WWOX: variants seen among roughly 807,000 people sequenced by gnomAD.
The protein encoded by WWOX is WW domain-containing oxidoreductase.
Under a neutral mutation model 46.2 loss-of-function variants are expected in WWOX, and 69 were observed. The ratio of observed to expected loss-of-function variants is 1.49; its 90% CI spans 1.23 to 1.82. The LOEUF is 1.82. WWOX is among the 40% of genes most tolerant of loss of function. The pLI is 0.00. For missense variants in WWOX, 919 were observed against 542.6 expected (o/e 1.69, Z -6.89); for synonymous variants, 359 against 202.6 (o/e 1.77, Z -6.56).
intron 8 of WWOX, among the ~76,000 whole-genome samples, chr16:79,143,035 A>G (rs559409289): frequency 6.6e-6 from 1 of 152,102 alleles, no homozygotes; most frequent in African/African-American, 2.4e-5. Context: ...CATTTTGGAG[A>G]TGACAGAAAA....
chr16:78,898,549 G>C (rs1567634904), intron 8 of WWOX: 1 of 151,978 alleles, frequency 6.6e-6, no homozygotes, highest in South Asian at 2.1e-4. Flanking sequence ...GTAATAATAA[G>C]GATTCAAACT....
intron 6 of WWOX, among the ~76,000 whole-genome samples, chr16:78,395,950 C>T (rs527772204): frequency 1.3e-5 from 2 of 152,230 alleles, no homozygotes; most frequent in South Asian, 4.1e-4. Flanking sequence ...ATAAAAGCAG[C>T]CTGCTCTGGA....
chr16:78,734,937 C>G (rs990683813), intron 8 of WWOX, among the ~76,000 whole-genome samples: 5 of 136,342 alleles, frequency 3.7e-5, no homozygotes, highest in Non-Finnish European at 7.7e-5. Flanking sequence ...GCAATCTCAG[C>G]TCACTACAAC....
chr16:78,666,999 T>C (rs1227868696), intron 8 of WWOX, among the ~76,000 whole-genome samples: 2 of 152,326 alleles, frequency 1.3e-5, no homozygotes, highest in East Asian at 1.9e-4. Flanking sequence ...GTCTTCCTTT[T>C]ATCTCTAACT....
chr16:78,299,919 A>G (rs942780966), intron 5 of WWOX, among the ~76,000 whole-genome samples: 1 of 152,152 alleles, frequency 6.6e-6, no homozygotes, highest in African/African-American at 2.4e-5. Flanking sequence ...ACTACTGTGT[A>G]TTGAGAGATG....
At position 78,616,189 on chromosome 16, in the gene WWOX, C is replaced by T. The variant is rs78328807; in HGVS notation, c.1056+183437C>T. Among the ~76,000 whole-genome samples, 507 of 151,896 alleles carry T rather than the reference C, an allele frequency of 3.3e-3. 5 individuals are homozygous for T. Among genetic ancestry groups the T allele is most frequent in the African/African-American group, 0.011 (467 of 41,370 alleles). On this transcript the variant is annotated intron_variant, in intron 8 of 8. Coordinates refer to ENST00000566780, the MANE Select transcript of WWOX (RefSeq NM_016373.4). Reference sequence around the variant, plus strand: ...TCCCTGCCATGTGTATGCATTCCCACGGCCACACAAGCACACACACACTTT... The same window carrying T: ...TCCCTGCCATGTGTATGCATTCCCATGGCCACACAAGCACACACACACTTT...
At chr16:78,410,685 A>T (rs2082658743) in intron 6 of WWOX, among the ~76,000 whole-genome samples, 2 of 151,446 alleles carry the variant, frequency 1.3e-5, no homozygotes, top group Admixed American at 1.3e-4. Context: ...ACATGCATGT[A>T]ATCCCAGTTA....
chr16:78,534,856 G>C (rs1445202732), intron 8 of WWOX, among the ~76,000 whole-genome samples: 1 of 151,996 alleles, frequency 6.6e-6, no homozygotes, highest in Non-Finnish European at 1.5e-5. Context: ...TGGGACTACA[G>C]GTGCGCGCTA....
At chr16:78,942,117 G>A (rs925310681) in intron 8 of WWOX, among the ~76,000 whole-genome samples, 3 of 152,150 alleles carry the variant, frequency 2.0e-5, no homozygotes, top group South Asian at 2.1e-4. Context: ...ATTCTAACAC[G>A]GAAGCGCCCT....
chr16:78,905,501 C>A (rs574195186), intron 8 of WWOX, among the ~76,000 whole-genome samples: 98 of 152,296 alleles, frequency 6.4e-4, no homozygotes, highest in African/African-American at 2.3e-3. Flanking sequence ...CCCACCTCAG[C>A]CTCCTGTGTA....
In WWOX at chr16:78,108,494, A is replaced by G. The variant is rs1307853735; in HGVS notation, c.172+7A>G. ...AGAAAACGAGTGGCAGGAGGTTTGTATGTTGTTGTCTAAGGATCTTGGATG... is the reference window on the plus strand; with the variant it reads ...AGAAAACGAGTGGCAGGAGGTTTGTGTGTTGTTGTCTAAGGATCTTGGATG... On this transcript the variant is annotated splice_region_variant and intron_variant, in intron 2 of 8. Coordinates refer to ENST00000566780, the MANE Select transcript of WWOX (RefSeq NM_016373.4). The G allele has an allele frequency of 1.1e-5, 17 of 1,613,400 alleles. No individual in the cohort carries two copies. Among genetic ancestry groups the G allele is most frequent in the African/African-American group, 4.0e-5 (3 of 74,818 alleles).
intron 4 of WWOX, among the ~76,000 whole-genome samples, chr16:78,129,147 G>A (rs904824761): frequency 4.6e-5 from 7 of 152,120 alleles, no homozygotes; most frequent in African/African-American, 1.2e-4. Context: ...TTTCCTCCCA[G>A]GGTTAGCGTC....
At chr16:78,792,420 C>T (rs556944512) in intron 8 of WWOX, among the ~76,000 whole-genome samples, 2 of 152,294 alleles carry the variant, frequency 1.3e-5, no homozygotes, top group African/African-American at 4.8e-5. Context: ...CTTCCTATTG[C>T]TTCTTCATTC....
chr16:79,153,041 T>G (rs1203976716), intron 8 of WWOX, among the ~76,000 whole-genome samples: 1 of 152,112 alleles, frequency 6.6e-6, no homozygotes, highest in Middle Eastern at 3.2e-3. Flanking sequence ...CAAGGAGACC[T>G]GCAGAGCGAG....
chr16:78,621,051 G>A (rs1233256388), intron 8 of WWOX, among the ~76,000 whole-genome samples: 1 of 152,086 alleles, frequency 6.6e-6, no homozygotes, highest in Non-Finnish European at 1.5e-5. Context: ...AAAGCCTGTG[G>A]CAGCCTTTAA....
chr16:78,933,545 G>C (rs944448209), intron 8 of WWOX, among the ~76,000 whole-genome samples: 1 of 152,218 alleles, frequency 6.6e-6, no homozygotes, highest in African/African-American at 2.4e-5. Flanking sequence ...AGTGTGAACT[G>C]CTCCTTTAAG....
chr16:78,639,323 C>T (rs903387079), intron 8 of WWOX, among the ~76,000 whole-genome samples: 30 of 152,274 alleles, frequency 2.0e-4, no homozygotes, highest in Admixed American at 1.5e-3. Flanking sequence ...ACAAGGAGAC[C>T]GGCACCTGGG....
intron 5 of WWOX, among the ~76,000 whole-genome samples, chr16:78,321,444 TTAAA>T (rs1426702557): frequency 6.8e-6 from 1 of 148,058 alleles, no homozygotes; most frequent in Non-Finnish European, 1.5e-5. Flanking sequence ...AAAAATATAT[TTAAA>T]TAATGTTAAG....
chr16:78,601,467 C>A (rs1036450547), intron 8 of WWOX, among the ~76,000 whole-genome samples: 3 of 150,828 alleles, frequency 2.0e-5, no homozygotes, highest in Non-Finnish European at 3.0e-5. Context: ...AGGAAAAAAA[C>A]CAGAAAGGAG....
Sources: allele counts gnomAD v4.1 joint callset (sites outside exome capture counted in the v4.1 genomes callset), GRCh38; gene constraint gnomAD v4.1.1; transcripts MANE v1.5; gene names NCBI Gene and HGNC (gene_info 2026-07-23, HGNC 2026-07-21).